The following KCNQ2 variants were observed in gnomAD, a reference collection of about 807,000 sequenced individuals.
KCNQ2 encodes the protein potassium voltage-gated channel subfamily Q member 2.
A neutral mutation model predicts 84.8 loss-of-function variants in KCNQ2; 14 were observed. That is an observed-to-expected ratio of 0.17 (90% confidence interval 0.11 to 0.26). KCNQ2 has a LOEUF of 0.26. KCNQ2 is among the 10% of genes least tolerant of loss of function. The probability of loss-of-function intolerance (pLI) is 1.00; values close to 1 mark genes in which losing one functional copy is unlikely to be tolerated. For missense variants in KCNQ2, 788 were observed against 1,254.0 expected (o/e 0.63, Z 5.61); for synonymous variants, 599 against 554.1 (o/e 1.08, Z -1.14).
At chr20:63,456,837 T>C (rs1315248886) in intron 1 of KCNQ2, among the ~76,000 whole-genome samples, 1 of 152,152 alleles carries the variant, frequency 6.6e-6, no homozygotes, top group Non-Finnish European at 1.5e-5. Flanking sequence ...AAATTCCCTG[T>C]CCAGAACAAT....
intron 4 of KCNQ2, among the ~76,000 whole-genome samples, chr20:63,443,096 CCATCACCAT>C (rs2081275159): frequency 4.2e-5 from 1 of 23,704 alleles, no homozygotes; most frequent in Non-Finnish European, 8.5e-5. Flanking sequence ...ATTATCACCA[CCATCACCAT>C]CACCACCACC....
At chr20:63,449,426 C>CG (rs1350532754) in intron 1 of KCNQ2, 3 of 152,328 alleles carry the variant, frequency 2.0e-5, no homozygotes, top group Non-Finnish European at 4.4e-5. Flanking sequence ...AGACAAGCCA[C>CG]GCGGCTGTGA....
intron 12 of KCNQ2, among the ~76,000 whole-genome samples, chr20:63,418,101 C>T (rs1430683366): frequency 3.3e-5 from 5 of 152,206 alleles, no homozygotes. Context: ...GCTGGTGAGG[C>T]TCCATGCTGC....
chr20:63,431,681 G>C (rs780098047), intron 8 of KCNQ2, among the ~76,000 whole-genome samples: 2 of 152,102 alleles, frequency 1.3e-5, no homozygotes, highest in Admixed American at 6.5e-5. Context: ...TGCAAACATC[G>C]AGGACCGCCA....
chr20:63,470,061 G>A (rs980172852), intron 1 of KCNQ2, among the ~76,000 whole-genome samples: 5 of 152,248 alleles, frequency 3.3e-5, no homozygotes, highest in Non-Finnish European at 5.9e-5. Flanking sequence ...CGTTACCGAC[G>A]GAAAACTGAG....
Position 63,433,804 on chromosome 20 carries a change from G to A in KCNQ2, c.1118+5C>T, listed in dbSNP as rs903746022. 10 of 1,613,866 alleles carry A rather than the reference G, an allele frequency of 6.2e-6. No individual in the cohort carries two copies. The highest frequency in any genetic ancestry group is 3.3e-5 in the Admixed American group (2 of 60,002). On this transcript the variant is annotated splice_donor_5th_base_variant and intron_variant, in intron 8 of 16. Transcript: ENST00000359125. ...TGCTTGGTGGCAGGTGCCCGGCGGCGGTACCTGTACATGGGCACGGTGACC... is the reference window on the plus strand; with the variant it reads ...TGCTTGGTGGCAGGTGCCCGGCGGCAGTACCTGTACATGGGCACGGTGACC...
chr20:63,447,435 C>G (rs2081463826), intron 1 of KCNQ2: 1 of 154,620 alleles, frequency 6.5e-6, no homozygotes, highest in African/African-American at 2.4e-5. Flanking sequence ...TCCCGGGTTG[C>G]AGGCACCTCC....
At chr20:63,437,806 T>A (rs1471806503) in intron 7 of KCNQ2, among the ~76,000 whole-genome samples, 3 of 152,086 alleles carry the variant, frequency 2.0e-5, no homozygotes, top group Non-Finnish European at 4.4e-5. Flanking sequence ...CTGCTGTCTG[T>A]CCATATTTTC....
chr20:63,413,204 G>A lies in KCNQ2; in HGVS notation c.1763+246C>T, dbSNP rs1403224883. 5.4e-6 allele frequency: 3 copies of A among 553,084 alleles called. No homozygotes were observed. In the African/African-American group the frequency reaches 5.7e-5, roughly 11 times the overall value. The allele number at this position is 553,084 out of a possible 1,614,324, so 34.3% of individuals were successfully genotyped here. Reference sequence around the variant, plus strand: ...ACACACATGCACACACACATTTTCAGGGACCCACACACACAGGTGCACGCA... The same window carrying A: ...ACACACATGCACACACACATTTTCAAGGACCCACACACACAGGTGCACGCA... On this transcript the variant is annotated intron_variant, in intron 15 of 16. Coordinates refer to ENST00000359125, the MANE Select transcript of KCNQ2 (RefSeq NM_172107.4).
rs1431960714 is a variant in KCNQ2, at chr20:63,451,770, GC to G, written c.297-4934del. On this transcript the variant is annotated intron_variant, in intron 1 of 16. Transcript: ENST00000359125. Reference sequence around the variant, plus strand: ...GGGGAGGCCAGCATGGCCCCCTGCAGCCCCCCTCCCACTCGCTGGAGACCCC... The same window carrying G: ...GGGGAGGCCAGCATGGCCCCCTGCAGCCCCCTCCCACTCGCTGGAGACCCC... 7.2e-5 allele frequency among the ~76,000 whole-genome samples: 11 copies of G among 152,230 alleles called. No individual in the cohort carries two copies. The East Asian group carries it at 1.5e-3, about 21-fold the overall frequency.
rs764099774 is a variant in KCNQ2, at chr20:63,445,353, A to C, written c.399T>G (p.Thr133=). 1 of 1,613,718 alleles carries C rather than the reference A, an allele frequency of 6.2e-7. No individual in the cohort carries two copies. The highest frequency in any genetic ancestry group is 1.1e-5 in the South Asian group (1 of 91,086). ...AGTACTCCACGCCAAACACCACGAT[A>C]GTCACGATTTCCTGCAGGGGAGGAA... ...EGALYILEIV[T]IVVFGVEYFV... Residue 133 remains threonine (T), a synonymous_variant, in exon 3 of 17, where the codon ACT becomes ACG. Coordinates refer to ENST00000359125, the MANE Select transcript of KCNQ2 (RefSeq NM_172107.4).
Position 63,408,458 on chromosome 20 carries a change from G to T in KCNQ2, c.1842C>A (p.Pro614=). Residue 614 remains proline, a synonymous_variant, in exon 16 of 17, where the codon CCC becomes CCA. Transcript: ENST00000359125. The surrounding 1 kb of genome is among the most constrained non-coding windows in gnomAD (Gnocchi z 5.0). ...RTKGPAEAEL[P]EDPSMMGRLG... ...GCCGTCCCATCATGCTGGGGTCCTCGGGCAGCTCCGCCTCGGCCGGGCCCT... is the reference window on the plus strand; with the variant it reads ...GCCGTCCCATCATGCTGGGGTCCTCTGGCAGCTCCGCCTCGGCCGGGCCCT... The T allele has an allele frequency of 6.2e-7, 1 of 1,608,690 alleles. No individual in the cohort carries two copies. Among genetic ancestry groups the T allele is most frequent in the Non-Finnish European group, 8.5e-7 (1 of 1,178,698 alleles).
intron 1 of KCNQ2, among the ~76,000 whole-genome samples, chr20:63,467,749 A>C (rs2082117045): frequency 6.6e-6 from 1 of 152,230 alleles, no homozygotes. Context: ...AAGTGACCCC[A>C]GTTCTGAAAC....
In KCNQ2 at chr20:63,445,302, G is replaced by A. The variant is rs746236498; in HGVS notation, c.450C>T (p.Cys150=). 1.2e-6 allele frequency: 2 copies of A among 1,613,820 alleles called. No homozygotes were observed. The highest frequency in any genetic ancestry group is 1.7e-6 in the Non-Finnish European group (2 of 1,180,012). The part of the protein sequence containing the change: ...EYFVRIWAAG[C]CCRYRGWRGR... ...CCCTCCAGCCACGGTACCGGCAGCA[G>A]CAGCCTGCGGCCCAGATCCGCACGA... The change falls in exon 3 of 17, where the codon TGC becomes TGT. Residue 150 remains cysteine (C), a synonymous_variant. Coordinates refer to ENST00000359125, the MANE Select transcript of KCNQ2 (RefSeq NM_172107.4).
Position 63,415,918 on chromosome 20 carries a change from GACA to G in KCNQ2, c.1302-795_1302-793del, listed in dbSNP as rs545535369. Among the ~76,000 whole-genome samples, 4 of 152,188 alleles carry G rather than the reference GACA, an allele frequency of 2.6e-5. No individual in the cohort carries two copies. In the South Asian group the frequency reaches 6.2e-4, roughly 24 times the overall value. Reference sequence around the variant, plus strand: ...CTGCCCCAGAGTCGAGGGGCCAGGGGACAACAAGGACATTGGGGGCCAAGTCTG... The same window carrying G: ...CTGCCCCAGAGTCGAGGGGCCAGGGGACAAGGACATTGGGGGCCAAGTCTG... On this transcript the variant is annotated intron_variant, in intron 12 of 16. Transcript: ENST00000359125.
At chr20:63,449,962 C>T (rs958530918) in intron 1 of KCNQ2, among the ~76,000 whole-genome samples, 1 of 152,078 alleles carries the variant, frequency 6.6e-6, no homozygotes, top group Admixed American at 6.5e-5. Flanking sequence ...GACCCCGTCC[C>T]GCACCATCAG....
intron 1 of KCNQ2, chr20:63,463,877 C>T (rs1401111285): frequency 6.6e-6 from 1 of 151,954 alleles, no homozygotes; most frequent in Non-Finnish European, 1.5e-5. Context: ...AAGGAGGCTC[C>T]CTGCAGGCTG....
At chr20:63,416,977 G>A (rs531901130) in intron 12 of KCNQ2, among the ~76,000 whole-genome samples, 3 of 152,280 alleles carry the variant, frequency 2.0e-5, no homozygotes, top group South Asian at 2.1e-4. Context: ...TGTTGTGCCC[G>A]CTCGGGGAAG....
chr20:63,452,282 C>A (rs745863543), intron 1 of KCNQ2, among the ~76,000 whole-genome samples: 5 of 152,246 alleles, frequency 3.3e-5, no homozygotes, highest in Non-Finnish European at 7.3e-5. Flanking sequence ...CAGCTCCATG[C>A]CATTGAGAAG....
Sources: allele counts gnomAD v4.1 joint callset (sites outside exome capture counted in the v4.1 genomes callset), GRCh38; gene constraint gnomAD v4.1.1; non-coding constraint Gnocchi (gnomAD v3.1); transcripts MANE v1.5; gene names NCBI Gene and HGNC (gene_info 2026-07-23, HGNC 2026-07-21).